The following ZNF26 variants were observed in gnomAD, a reference collection of about 807,000 sequenced individuals.
ZNF26 encodes epididymis luminal protein 179.
ZNF26 carries 32 observed loss-of-function variants against 54.9 expected under a neutral mutation model. The observed-to-expected ratio is 0.58, with a 90% confidence interval of 0.44 to 0.78. The LOEUF (loss-of-function observed/expected upper bound fraction) is 0.78, where lower values mean the gene tolerates loss of function less well. Ranked by LOEUF, ZNF26 falls within the 30% of genes least tolerant of loss-of-function variation. The probability of loss-of-function intolerance (pLI) is 0.00; values close to 1 mark genes in which losing one functional copy is unlikely to be tolerated. For synonymous variants in ZNF26, 221 were observed against 209.2 expected, an observed-to-expected ratio of 1.06 and a Z score of -0.49; for missense variants, 524 against 634.0, an observed-to-expected ratio of 0.83 and a Z score of 1.86.
At chr12:132,997,833 A>C (rs1437318863) in intron 1 of ZNF26, among the ~76,000 whole-genome samples, 1 of 152,244 alleles carries the variant, frequency 6.6e-6, no homozygotes, top group African/African-American at 2.4e-5. Context: ...GAACAACACC[A>C]GCAAATAACC....
rs1953560742 is a variant in ZNF26, at chr12:133,016,010, C to T, written c.*4529C>T. The T allele has an allele frequency of 6.7e-6, 1 of 149,032 alleles. No homozygotes were observed. Among genetic ancestry groups the T allele is most frequent in the Non-Finnish European group, 1.5e-5 (1 of 67,446 alleles). 9.2% of individuals were successfully genotyped at this position (149,032 alleles called of 1,614,324 possible). ...GGTAAGTGTTGAGAGAAGGAAGTGGCTTTTGGTTTTGTGAGTGTCTTGAAG... is the reference window on the plus strand; with the variant it reads ...GGTAAGTGTTGAGAGAAGGAAGTGGTTTTTGGTTTTGTGAGTGTCTTGAAG... On this transcript the variant is annotated 3_prime_UTR_variant, in exon 4 of 4. Coordinates refer to ENST00000328654, the MANE Select transcript of ZNF26 (RefSeq NM_019591.4).
intron 1 of ZNF26, among the ~76,000 whole-genome samples, chr12:132,993,872 T>C (rs1163184111): frequency 2.8e-4 from 42 of 152,178 alleles, no homozygotes; most frequent in Admixed American, 2.2e-3. Flanking sequence ...GGTGATGAGA[T>C]GTCAGGAAAG....
Position 133,001,234 on chromosome 12 carries a change from A to G in ZNF26, c.34-5808A>G, listed in dbSNP as rs1024234437. On this transcript the variant is annotated intron_variant, in intron 1 of 3. Transcript: ENST00000328654. This position sits in a 1 kb window ranked among gnomAD's most constrained non-coding sequence, Gnocchi z 4.7. ...GAGGAGAGCTGATGATGCTCTGGTC[A>G]CAGCCTTGTTTGTTATTGACTCTCA... Among the ~76,000 whole-genome samples the G allele has an allele frequency of 2.6e-4, 40 of 152,130 alleles. 1 individual carries two copies. The highest frequency in any genetic ancestry group is 2.4e-3 in the Admixed American group (36 of 15,264).
Position 132,996,205 on chromosome 12 carries a change from A to G in ZNF26, c.33+9332A>G, listed in dbSNP as rs1205573258. Among the ~76,000 whole-genome samples the G allele has an allele frequency of 2.6e-5, 4 of 152,240 alleles. No individual in the cohort carries two copies. The East Asian group carries it at 7.7e-4, about 29-fold the overall frequency. On this transcript the variant is annotated intron_variant, in intron 1 of 3. Transcript: ENST00000328654. Reference sequence around the variant, plus strand: ...CCTGCAGCTTCTTGCACTGACCAGCACTCAACAGATGTCCCATGGGGAAAA... The same window carrying G: ...CCTGCAGCTTCTTGCACTGACCAGCGCTCAACAGATGTCCCATGGGGAAAA...
rs1230862976 is a variant in ZNF26 at position 133,015,447 on chromosome 12, C to T, written c.*3966C>T. On this transcript the variant is annotated 3_prime_UTR_variant, in exon 4 of 4. Coordinates refer to ENST00000328654, the MANE Select transcript of ZNF26 (RefSeq NM_019591.4). ...TGGCATGTATCTATGTCTTCACTTG[C>T]ATCGGCCTCAATTATCAACTTGTGG... is the stretch of plus-strand genomic sequence containing the variant. 2 of 151,232 alleles carry T rather than the reference C, an allele frequency of 1.3e-5. No homozygotes were observed. The highest frequency in any genetic ancestry group is 4.9e-5 in the African/African-American group (2 of 41,118). 9.4% of individuals were successfully genotyped at this position (151,232 alleles called of 1,614,324 possible). A position where few individuals can be genotyped will look rare whatever the true frequency, so the allele number is the denominator to read the frequency against.
intron 1 of ZNF26, among the ~76,000 whole-genome samples, chr12:132,988,482 ACTT>A (rs1161311644): frequency 6.6e-6 from 1 of 151,226 alleles, no homozygotes; most frequent in Admixed American, 6.6e-5. Flanking sequence ...GGCCTCAAGC[ACTT>A]CTTCCTCCTT....
In ZNF26 at chr12:133,023,782, A is replaced by G. The variant is rs1317643868; in HGVS notation, c.*12301A>G. 2.6e-5 allele frequency: 4 copies of G among 152,328 alleles called. No individual in the cohort carries two copies. Among genetic ancestry groups the G allele is most frequent in the Non-Finnish European group, 4.4e-5 (3 of 68,040 alleles). 9.4% of individuals were successfully genotyped at this position (152,328 alleles called of 1,614,324 possible). On this transcript the variant is annotated 3_prime_UTR_variant, in exon 4 of 4. Coordinates refer to ENST00000328654, the MANE Select transcript of ZNF26 (RefSeq NM_019591.4). The stretch of plus-strand genomic sequence containing the variant: ...AAGAATGTGGAGGAAGTGATCATGT[A>G]ACTTCGCAGGATATAAAAAGCCATG...
At chr12:132,997,737 A>C (rs1953119913) in intron 1 of ZNF26, among the ~76,000 whole-genome samples, 1 of 152,224 alleles carries the variant, frequency 6.6e-6, no homozygotes, top group Non-Finnish European at 1.5e-5. Context: ...GAAGTAAAAC[A>C]ATGAGAGATA....
intron 1 of ZNF26, among the ~76,000 whole-genome samples, chr12:132,989,453 C>T (rs1460263116): frequency 6.6e-6 from 1 of 152,086 alleles, no homozygotes; most frequent in Non-Finnish European, 1.5e-5. Flanking sequence ...ATGCTTAAGA[C>T]CAGAATTGTT....
chr12:133,010,082 A>G (rs1450178425), intron 3 of ZNF26, 54 bp from the exon 4 acceptor site: 3 of 1,517,596 alleles, frequency 2.0e-6, no homozygotes, highest in African/African-American at 1.4e-5. Flanking sequence ...GTTTAATTCC[A>G]TATCAGGTTT....
rs1223410941 is a variant in ZNF26, at chr12:133,012,174, C to G, written c.*693C>G. On this transcript the variant is annotated 3_prime_UTR_variant, in exon 4 of 4. Transcript: ENST00000328654. ...TACAGGGCTGCCGCTTAAGAGAACT[C>G]ATTATAATGAACGTTTATTATATTT... 6.6e-6 allele frequency: 1 copy of G among 152,186 alleles called. No individual in the cohort carries two copies. The highest frequency in any genetic ancestry group is 1.5e-5 in the Non-Finnish European group (1 of 68,044). The allele number at this position is 152,186 out of a possible 1,614,324, so 9.4% of individuals were successfully genotyped here.
Position 132,986,890 on chromosome 12 carries a change from C to T in ZNF26, c.33+17C>T, listed in dbSNP as rs2137200200. ...TCGTGCTGGGTAAGTAGAGACTTTC[C>T]GTGTTTAAAATTCGACTGGATACTG... is the stretch of plus-strand genomic sequence containing the variant. On this transcript the variant is annotated intron_variant, in intron 1 of 3. Coordinates refer to ENST00000328654, the MANE Select transcript of ZNF26 (RefSeq NM_019591.4). The T allele has an allele frequency of 6.2e-7, 1 of 1,601,540 alleles. No individual in the cohort carries two copies. Among genetic ancestry groups the T allele is most frequent in the South Asian group, 1.1e-5 (1 of 88,954 alleles).
At position 133,011,319 on chromosome 12, in the gene ZNF26, A is replaced by G; in HGVS notation, c.1440A>G (p.Lys480=). 2 of 1,613,976 alleles carry G rather than the reference A, an allele frequency of 1.2e-6. No homozygotes were observed. Among genetic ancestry groups the G allele is most frequent in the Non-Finnish European group, 8.5e-7 (1 of 1,179,992 alleles). The change falls in exon 4 of 4, where the codon AAA becomes AAG. Residue 480 remains lysine (K), a synonymous_variant. Transcript: ENST00000328654. ...QIHQKTHSGE[K]PFKCSECGKA... ...ACCAGAAAACTCATTCGGGAGAGAA[A>G]CCTTTTAAATGCAGTGAATGTGGAA...
At position 133,011,018 on chromosome 12, in the gene ZNF26, G is replaced by A. The variant is rs1953460323; in HGVS notation, c.1139G>A (p.Gly380Asp). Residue 380 changes from glycine (G) to aspartate (D), a missense_variant, in exon 4 of 4, where the codon GGT becomes GAT. Coordinates refer to ENST00000328654, the MANE Select transcript of ZNF26 (RefSeq NM_019591.4). ...TGCGGTGAATGTGGGAAAGCCTTTG[G>A]TAGGAAGGAACAGCTCACTGCACAT... ...YQCGECGKAF[G>D]RKEQLTAHLR... is the part of the protein sequence containing the mutation. 2 of 1,614,052 alleles carry A rather than the reference G, an allele frequency of 1.2e-6. No individual in the cohort carries two copies. The highest frequency in any genetic ancestry group is 1.7e-6 in the Non-Finnish European group (2 of 1,180,030).
chr12:133,017,841 CTA>C lies in ZNF26; in HGVS notation c.*6362_*6363del, dbSNP rs1953586120. The C allele has an allele frequency of 6.6e-6, 1 of 152,186 alleles. No homozygotes were observed. The allele number at this position is 152,186 out of a possible 1,614,324, so 9.4% of individuals were successfully genotyped here. ...TCACTAACATGGTGAAACCCCATCTCTATTAAAAACACAAAAAATTAGCGGGG... is the reference window on the plus strand; with the variant it reads ...TCACTAACATGGTGAAACCCCATCTCTTAAAAACACAAAAAATTAGCGGGG... On this transcript the variant is annotated 3_prime_UTR_variant, in exon 4 of 4. Coordinates refer to ENST00000328654, the MANE Select transcript of ZNF26 (RefSeq NM_019591.4).
Position 133,010,262 on chromosome 12 carries a change from A to G in ZNF26, c.383A>G (p.Tyr128Cys), listed in dbSNP as rs910916242. 6.8e-6 allele frequency: 11 copies of G among 1,614,096 alleles called. No homozygotes were observed. The highest frequency in any genetic ancestry group is 2.2e-5 in the South Asian group (2 of 91,084). ...CATGATTCTTCAAGACAGAGACTCT[A>G]TAACACACGTGGAAAAAGTTTGACA... ...KTHDSSRQRL[Y>C]NTRGKSLTQN... Residue 128 changes from tyrosine (Y) to cysteine (C), a missense_variant, in exon 4 of 4, where the codon TAT becomes TGT. Tyr to Cys is a radical substitution (Grantham distance 194). Transcript: ENST00000328654.
At chr12:132,998,259 C>T (rs946014018) in intron 1 of ZNF26, among the ~76,000 whole-genome samples, 44 of 151,904 alleles carry the variant, frequency 2.9e-4, no homozygotes, top group Middle Eastern at 3.4e-3. Flanking sequence ...CTTCGCCTCC[C>T]GGGTTCAAGC....
chr12:132,996,887 A>T (rs903593658), intron 1 of ZNF26, among the ~76,000 whole-genome samples: 2 of 142,802 alleles, frequency 1.4e-5, no homozygotes, highest in Admixed American at 7.1e-5. Flanking sequence ...ACTGGTTCTC[A>T]TGGTTTTTTG....
At chr12:133,008,808 A>T (rs1230837850) in intron 3 of ZNF26, among the ~76,000 whole-genome samples, 2 of 149,720 alleles carry the variant, frequency 1.3e-5, no homozygotes, top group African/African-American at 4.9e-5. Flanking sequence ...AAAACACCTG[A>T]GACTAAATTT....
Sources: gnomAD v4.1 joint callset for allele counts (sites outside exome capture counted in the v4.1 genomes callset) on GRCh38, gnomAD v4.1.1 for gene constraint, Gnocchi (gnomAD v3.1) non-coding constraint, MANE v1.5 for transcripts, NCBI Gene and HGNC (gene_info 2026-07-23, HGNC 2026-07-21) for gene names.